Variants in CLMP observed in about 807,000 individuals in gnomAD.
CLMP encodes the protein CXADR-like membrane protein.
A neutral mutation model predicts 45.2 loss-of-function variants in CLMP; 27 were observed. That is an observed-to-expected ratio of 0.60 (90% CI 0.44 to 0.82). The LOEUF (loss-of-function observed/expected upper bound fraction) is 0.82, where lower values mean the gene tolerates loss of function less well. Ranked by LOEUF, CLMP falls within the 40% of genes least tolerant of loss-of-function variation. CLMP has a pLI of 0.00. For missense variants in CLMP, 403 were observed against 448.4 expected, an observed-to-expected ratio of 0.90 and a Z score of 0.91; for synonymous variants, 167 against 171.4, an observed-to-expected ratio of 0.97 and a Z score of 0.20.
At chr11:123,190,791 A>G (rs1861897885) in intron 1 of CLMP, among the ~76,000 whole-genome samples, 1 of 152,240 alleles carries the variant, frequency 6.6e-6, no homozygotes, top group Admixed American at 6.5e-5. Context: ...ACTTAACTGA[A>G]GCATCACAAG....
At chr11:123,084,142 A>G (rs1215929895) in intron 3 of CLMP, among the ~76,000 whole-genome samples, 1 of 152,206 alleles carries the variant, frequency 6.6e-6, no homozygotes, top group Non-Finnish European at 1.5e-5. Context: ...AAAGTTGAGC[A>G]TGGTTTTACT....
chr11:123,159,797 A>G (rs1861460491), intron 1 of CLMP, among the ~76,000 whole-genome samples: 1 of 152,194 alleles, frequency 6.6e-6, no homozygotes, highest in South Asian at 2.1e-4. Flanking sequence ...TTGTTGCTTT[A>G]AAAAATTATT....
intron 1 of CLMP, among the ~76,000 whole-genome samples, chr11:123,170,442 CTTT>C (rs11463797): frequency 7.1e-6 from 1 of 140,698 alleles, no homozygotes. Context: ...ATGAAACCTG[CTTT>C]TTTTTTTTTT....
chr11:123,101,792 A>G (rs1183980455), intron 1 of CLMP, among the ~76,000 whole-genome samples: 2 of 152,256 alleles, frequency 1.3e-5, no homozygotes, highest in Non-Finnish European at 2.9e-5. Flanking sequence ...CCGCTTTTGC[A>G]AAGCTAATGG....
chr11:123,091,254 G>A (rs1865929281), intron 2 of CLMP, among the ~76,000 whole-genome samples: 1 of 152,082 alleles, frequency 6.6e-6, no homozygotes, highest in South Asian at 2.1e-4. Context: ...ACAGGCGCAT[G>A]CCACCACGTC....
intron 1 of CLMP, among the ~76,000 whole-genome samples, chr11:123,187,673 AT>A (rs140623807): frequency 0.026 from 4,022 of 151,984 alleles, 172 homozygotes; most frequent in African/African-American, 0.092. Context: ...TCACAGATAC[AT>A]TTTTTTTCTT....
At chr11:123,112,470 T>C (rs930907254) in intron 1 of CLMP, among the ~76,000 whole-genome samples, 2 of 151,566 alleles carry the variant, frequency 1.3e-5, no homozygotes, top group Non-Finnish European at 2.9e-5. Context: ...CCCAAGTAGC[T>C]GGGATTACAG....
chr11:123,098,000 T>C (rs765184710), intron 1 of CLMP, 48 bp from the exon 2 acceptor site: 3 of 1,408,284 alleles, frequency 2.1e-6, no homozygotes, highest in Non-Finnish European at 2.8e-6. Flanking sequence ...TGGATGGCAA[T>C]GTGTGGGGAG....
chr11:123,088,305 A>G (rs1865888408), intron 2 of CLMP, among the ~76,000 whole-genome samples: 1 of 152,204 alleles, frequency 6.6e-6, no homozygotes, highest in Admixed American at 6.5e-5. Flanking sequence ...ACAACAGGAA[A>G]AAACTGGAAG....
intron 1 of CLMP, among the ~76,000 whole-genome samples, chr11:123,157,942 T>C (rs112840997): frequency 2.1e-3 from 313 of 152,142 alleles, no homozygotes; most frequent in African/African-American, 7.0e-3. Context: ...CCCCATTGCC[T>C]TCCCCACAGC....
intron 1 of CLMP, among the ~76,000 whole-genome samples, chr11:123,186,949 G>A (rs1281802411): frequency 2.6e-5 from 4 of 152,120 alleles, no homozygotes; most frequent in Middle Eastern, 3.2e-3. Context: ...CCTGGTGGTC[G>A]CTGACTTCAA....
intron 1 of CLMP, chr11:123,136,148 C>G (rs1861067890): frequency 1.6e-6 from 1 of 627,892 alleles, no homozygotes; most frequent in African/African-American, 1.8e-5. Flanking sequence ...AAAGTCACCA[C>G]CTACTGCAGT....
chr11:123,096,781 G>C (rs1865995404), intron 2 of CLMP, among the ~76,000 whole-genome samples: 1 of 152,100 alleles, frequency 6.6e-6, no homozygotes, highest in South Asian at 2.1e-4. Flanking sequence ...GAAGAGGAAA[G>C]GACAACTTTT....
At chr11:123,178,885 G>A (rs118117028) in intron 1 of CLMP, among the ~76,000 whole-genome samples, 1,842 of 152,300 alleles carry the variant, frequency 0.012, 15 homozygotes, top group South Asian at 0.026. Context: ...GTACTTCAGG[G>A]TGTGGTTGTA....
intron 5 of CLMP, among the ~76,000 whole-genome samples, chr11:123,082,603 T>G (rs925057186): frequency 2.3e-5 from 3 of 129,678 alleles, no homozygotes; most frequent in South Asian, 4.9e-4. Flanking sequence ...GCTGGGCTGG[T>G]TTTTTTTGTG....
At chr11:123,076,496 A>G (rs1225650854) in intron 5 of CLMP, among the ~76,000 whole-genome samples, 1 of 152,234 alleles carries the variant, frequency 6.6e-6, no homozygotes, top group Non-Finnish European at 1.5e-5. Context: ...AGTGAATTTT[A>G]GAGGGGTAAT....
In CLMP at chr11:123,152,410, C is replaced by T. The variant is rs572924881; in HGVS notation, c.28+42503G>A. Among the ~76,000 whole-genome samples the T allele has an allele frequency of 6.6e-5, 10 of 152,096 alleles. No homozygotes were observed. In the South Asian group the frequency reaches 1.2e-3, roughly 19 times the overall value. On this transcript the variant is annotated intron_variant, in intron 1 of 6. Transcript: ENST00000448775. Reference sequence around the variant, plus strand: ...TGTTGGTGGGCACCTGTAATCCCAGCTACTCAGGAGGCTGAGGCAGGAGAA... The same window carrying T: ...TGTTGGTGGGCACCTGTAATCCCAGTTACTCAGGAGGCTGAGGCAGGAGAA...
At chr11:123,150,480 A>AAAGAAAGGAAGGAAGGAAGGAAGG (rs764502298) in intron 1 of CLMP, among the ~76,000 whole-genome samples, 2 of 40,978 alleles carry the variant, frequency 4.9e-5, no homozygotes, top group African/African-American at 1.1e-4. Context: ...AGAAAGAAAG[A>AAAGAAAGGAAGGAAGGAAGGAAGG]AAGGAAGGAA....
chr11:123,158,856 C>T (rs1359955953), intron 1 of CLMP, among the ~76,000 whole-genome samples: 1 of 152,178 alleles, frequency 6.6e-6, no homozygotes, highest in East Asian at 1.9e-4. Context: ...ACAAGGTAGT[C>T]ATTACTAAGA....
Sources: allele counts gnomAD v4.1 joint callset (sites outside exome capture counted in the v4.1 genomes callset), GRCh38; gene constraint gnomAD v4.1.1; transcripts MANE v1.5; gene names NCBI Gene and HGNC (gene_info 2026-07-23, HGNC 2026-07-21).